INPP4B: variants seen among roughly 807,000 people sequenced by gnomAD.
The protein encoded by INPP4B is inositol polyphosphate 4-phosphatase type II.
In INPP4B, 55 loss-of-function variants were observed where a neutral mutation model predicts 122.5. The ratio of observed to expected loss-of-function variants is 0.45; its 90% CI spans 0.36 to 0.56. The LOEUF (loss-of-function observed/expected upper bound fraction) is 0.56, where lower values mean the gene tolerates loss of function less well. Ranked by LOEUF, INPP4B falls within the 20% of genes least tolerant of loss-of-function variation. The probability of loss-of-function intolerance (pLI) is 0.00; values close to 1 mark genes in which losing one functional copy is unlikely to be tolerated. For missense variants in INPP4B, 1,000 were observed against 1,097.7 expected (o/e 0.91, Z 1.26); for synonymous variants, 403 against 388.7 (o/e 1.04, Z -0.43).
chr4:142,802,228 A>C (rs12509337), intron 1 of INPP4B, among the ~76,000 whole-genome samples: 9,166 of 152,192 alleles, frequency 0.06, 456 homozygotes, highest in African/African-American at 0.13. Context: ...TCATGATGGT[A>C]CCTGCAGGTC....
intron 2 of INPP4B, among the ~76,000 whole-genome samples, chr4:142,559,117 C>T (rs577556220): frequency 2.0e-5 from 3 of 152,242 alleles, no homozygotes; most frequent in African/African-American, 7.2e-5. Flanking sequence ...GCAACTGTGT[C>T]AGTTAAAGGA....
intron 2 of INPP4B, among the ~76,000 whole-genome samples, chr4:142,620,343 G>C (rs976524862): frequency 6.6e-6 from 1 of 151,974 alleles, no homozygotes; most frequent in African/African-American, 2.4e-5. Flanking sequence ...GCGAGATTAT[G>C]TCTTTTGCAG....
intron 1 of INPP4B, among the ~76,000 whole-genome samples, chr4:142,841,579 T>C (rs1783495526): frequency 6.6e-6 from 1 of 151,854 alleles, no homozygotes; most frequent in Admixed American, 6.6e-5. Context: ...TTCTGTCAAA[T>C]TTTTCATAGT....
At chr4:142,699,682 C>A (rs1451028084) in intron 2 of INPP4B, among the ~76,000 whole-genome samples, 2 of 152,176 alleles carry the variant, frequency 1.3e-5, no homozygotes, top group Non-Finnish European at 2.9e-5. Context: ...CCCCCTCCAT[C>A]TTTATGTCTC....
intron 9 of INPP4B, among the ~76,000 whole-genome samples, chr4:142,300,982 T>C (rs1872297): frequency 0.22 from 33,504 of 151,996 alleles, 4,930 homozygotes; most frequent in African/African-American, 0.42. Flanking sequence ...ATGTAGGTTA[T>C]AAAAGAAATA....
intron 2 of INPP4B, among the ~76,000 whole-genome samples, chr4:142,520,012 T>G (rs1019026264): frequency 4.6e-5 from 7 of 152,042 alleles, no homozygotes; most frequent in Non-Finnish European, 1.0e-4. Flanking sequence ...AAATTTCTTC[T>G]ATGAAAATCT....
chr4:142,183,108 G>A (rs1241704702), intron 15 of INPP4B, among the ~76,000 whole-genome samples: 1 of 152,166 alleles, frequency 6.6e-6, no homozygotes, highest in African/African-American at 2.4e-5. Context: ...TGTGTTGCTG[G>A]AGTTTATAAG....
At chr4:142,479,581 CTAGA>C (rs1450194091) in intron 2 of INPP4B, among the ~76,000 whole-genome samples, 1 of 151,958 alleles carries the variant, frequency 6.6e-6, no homozygotes, top group African/African-American at 2.4e-5. Flanking sequence ...CAACAGTAGA[CTAGA>C]TAAAGAAAAT....
In INPP4B at chr4:142,734,843, C is replaced by A. The variant is rs190070506; in HGVS notation, c.-253-8942G>T. ...TATTTTTAGTAGAGATGGGGTTACACCATGTTGGTCAGACAGGCCTCAAAC... is the reference window on the plus strand; with the variant it reads ...TATTTTTAGTAGAGATGGGGTTACAACATGTTGGTCAGACAGGCCTCAAAC... On this transcript the variant is annotated intron_variant, in intron 1 of 25. Coordinates refer to ENST00000262992, the MANE Select transcript of INPP4B (RefSeq NM_001101669.3). Among the ~76,000 whole-genome samples the A allele has an allele frequency of 8.5e-5, 13 of 152,248 alleles. No homozygotes were observed. The East Asian group carries it at 2.5e-3, about 29-fold the overall frequency.
chr4:142,519,200 C>T (rs1401125581), intron 2 of INPP4B, among the ~76,000 whole-genome samples: 1 of 152,094 alleles, frequency 6.6e-6, no homozygotes, highest in Middle Eastern at 3.2e-3. Context: ...TAATCACACA[C>T]TTTTAAGGAA....
At chr4:142,641,778 T>C (rs1037143176) in intron 2 of INPP4B, among the ~76,000 whole-genome samples, 5 of 152,172 alleles carry the variant, frequency 3.3e-5, no homozygotes, top group African/African-American at 7.2e-5. Flanking sequence ...TTTGGGTATA[T>C]ACCCAGTAAT....
rs557631060 is a variant in INPP4B at position 142,799,320 on chromosome 4, T to C, written c.-254+46889A>G. On this transcript the variant is annotated intron_variant, in intron 1 of 25. Coordinates refer to ENST00000262992, the MANE Select transcript of INPP4B (RefSeq NM_001101669.3). ...TGCATTTTTCAACAATTTTAAATTG[T>C]ACACATTAAAAGGTATATATTTGTG... Among the ~76,000 whole-genome samples the C allele has an allele frequency of 1.5e-4, 23 of 152,014 alleles. No individual in the cohort carries two copies. In the South Asian group the frequency reaches 4.8e-3, roughly 31 times the overall value.
At position 142,112,699 on chromosome 4, in the gene INPP4B, A is replaced by G. The variant is rs1790831095; in HGVS notation, c.2136-17T>C. The G allele has an allele frequency of 6.3e-7, 1 of 1,591,324 alleles. No homozygotes were observed. Among genetic ancestry groups the G allele is most frequent in the Non-Finnish European group, 8.5e-7 (1 of 1,173,742 alleles). ...TAATGTTCTCTAAAGAAGGCAGAGG[A>G]CAAAGGGAAGAAACATTACTTATTT... is the stretch of plus-strand genomic sequence containing the variant. On this transcript the variant is annotated splice_polypyrimidine_tract_variant and intron_variant, in intron 21 of 25. Coordinates refer to ENST00000262992, the MANE Select transcript of INPP4B (RefSeq NM_001101669.3).
chr4:142,835,943 G>C (rs1468548738), intron 1 of INPP4B, among the ~76,000 whole-genome samples: 1 of 152,084 alleles, frequency 6.6e-6, no homozygotes, highest in East Asian at 1.9e-4. Context: ...AAGCTAACGG[G>C]GTGCTATGGG....
intron 7 of INPP4B, among the ~76,000 whole-genome samples, chr4:142,324,683 G>T (rs1374835419): frequency 6.6e-6 from 1 of 152,106 alleles, no homozygotes; most frequent in Non-Finnish European, 1.5e-5. Flanking sequence ...TAGTTTCTCA[G>T]TGTCAACTCA....
chr4:142,053,847 T>C (rs962991224), intron 25 of INPP4B, among the ~76,000 whole-genome samples: 3 of 152,110 alleles, frequency 2.0e-5, no homozygotes, highest in African/African-American at 7.2e-5. Context: ...GACCATTCTC[T>C]AATCCACTTC....
At chr4:142,392,778 T>A (rs1048263676) in intron 7 of INPP4B, among the ~76,000 whole-genome samples, 1 of 152,184 alleles carries the variant, frequency 6.6e-6, no homozygotes, top group Non-Finnish European at 1.5e-5. Flanking sequence ...CAGAAAAGTA[T>A]CTGGGCAGCT....
chr4:142,728,081 G>A (rs1392191187), intron 1 of INPP4B, among the ~76,000 whole-genome samples: 5 of 152,152 alleles, frequency 3.3e-5, no homozygotes, highest in Non-Finnish European at 7.3e-5. Flanking sequence ...ATTAACGTAA[G>A]GTCCACTCAC....
chr4:142,403,195 G>T, intron 6 of INPP4B, 141 bp from the exon 7 acceptor site: 1 of 637,054 alleles, frequency 1.6e-6, no homozygotes, highest in Non-Finnish European at 2.8e-6. Flanking sequence ...GATCTGAATT[G>T]TCAAATCCTG....
Sources: gnomAD v4.1 joint callset for allele counts (sites outside exome capture counted in the v4.1 genomes callset) on GRCh38, gnomAD v4.1.1 for gene constraint, MANE v1.5 for transcripts, NCBI Gene and HGNC (gene_info 2026-07-23, HGNC 2026-07-21) for gene names.